The following TUT4 variants were observed in gnomAD, a reference collection of about 807,000 sequenced individuals.
TUT4 encodes the protein terminal uridylyl transferase 4.
A neutral mutation model predicts 192.2 loss-of-function variants in TUT4; 36 were observed. The observed-to-expected ratio is 0.19, with a 90% confidence interval of 0.14 to 0.25. The LOEUF (loss-of-function observed/expected upper bound fraction) is 0.25, where lower values mean the gene tolerates loss of function less well. TUT4 is among the 10% of genes least tolerant of loss of function. TUT4 has a pLI of 1.00. For missense variants in TUT4, 1,493 were observed against 1,957.2 expected (o/e 0.76, Z 4.47); for synonymous variants, 618 against 666.0 (o/e 0.93, Z 1.11).
At chr1:52,483,472 T>C (rs535374646) in intron 9 of TUT4, among the ~76,000 whole-genome samples, 1 of 152,280 alleles carries the variant, frequency 6.6e-6, no homozygotes, top group East Asian at 1.9e-4. Context: ...CAGCCCTCCA[T>C]ATCAATGGGT....
At chr1:52,498,810 C>T (rs560928381) in intron 4 of TUT4, among the ~76,000 whole-genome samples, 21 of 148,228 alleles carry the variant, frequency 1.4e-4, no homozygotes, top group Admixed American at 4.7e-4. Flanking sequence ...TCGTTTCAAC[C>T]TCGGAGGTGG....
At chr1:52,443,751 A>G (rs1656461904) in intron 24 of TUT4, among the ~76,000 whole-genome samples, 1 of 151,232 alleles carries the variant, frequency 6.6e-6, no homozygotes, top group South Asian at 2.1e-4. Context: ...GACAAGAGCA[A>G]GACCCTGTAT....
intron 16 of TUT4, chr1:52,463,555 T>G: frequency 1.7e-6 from 2 of 1,200,534 alleles, no homozygotes; most frequent in Non-Finnish European, 2.1e-6. Context: ...GAGGCGATAC[T>G]GACACCACTA....
chr1:52,466,645 C>CAAA (rs71579929), intron 15 of TUT4, among the ~76,000 whole-genome samples: 135 of 118,304 alleles, frequency 1.1e-3, no homozygotes, highest in African/African-American at 4.3e-3. Context: ...TATCCTATTT[C>CAAA]AAAAAAAAAA....
At chr1:52,461,044 C>T (rs1421843794) in intron 19 of TUT4, 90 bp downstream of exon 19, 1 of 1,128,114 alleles carries the variant, frequency 8.9e-7, no homozygotes, top group African/African-American at 1.5e-5. Flanking sequence ...ATAAACAAAA[C>T]TGAGACAAAA....
At chr1:52,447,310 G>A (rs1330247664) in intron 20 of TUT4, among the ~76,000 whole-genome samples, 7 of 151,858 alleles carry the variant, frequency 4.6e-5, no homozygotes, top group East Asian at 1.9e-4. Context: ...TTAGCTGGGC[G>A]TGGTGGCGTG....
intron 16 of TUT4, chr1:52,463,297 G>A (rs1234926426): frequency 1.0e-6 from 1 of 991,702 alleles, no homozygotes; most frequent in Non-Finnish European, 1.2e-6. Flanking sequence ...TCAGAATGGA[G>A]AAGGGCAGCC....
Position 52,525,544 on chromosome 1 carries a change from C to A in TUT4, c.718+19G>T. The A allele has an allele frequency of 6.3e-7, 1 of 1,584,924 alleles. No individual in the cohort carries two copies. Among genetic ancestry groups the A allele is most frequent in the Non-Finnish European group, 8.6e-7 (1 of 1,166,390 alleles). On this transcript the variant is annotated intron_variant, in intron 2 of 29. Coordinates refer to ENST00000257177, the MANE Select transcript of TUT4 (RefSeq NM_001009881.3). The stretch of plus-strand genomic sequence containing the variant: ...TAAAGAACATTAATATACAAAAATC[C>A]CTCCAAAAAATGACTTACTTAAATC...
At chr1:52,456,477 C>A (rs1031906630) in intron 20 of TUT4, among the ~76,000 whole-genome samples, 54 of 58,752 alleles carry the variant, frequency 9.2e-4, no homozygotes, top group South Asian at 1.7e-3. Context: ...AAAGTCTGAA[C>A]ATTTAAAAAT....
chr1:52,454,792 T>G (rs1570465451), intron 20 of TUT4, among the ~76,000 whole-genome samples: 1 of 152,098 alleles, frequency 6.6e-6, no homozygotes, highest in Admixed American at 6.5e-5. Flanking sequence ...GCCACAGACA[T>G]GGAGAACATA....
rs1688141527 is a variant in TUT4, at chr1:52,546,559, G to T, written c.-94+6372C>A. Among the ~76,000 whole-genome samples, 6 of 152,242 alleles carry T rather than the reference G, an allele frequency of 3.9e-5. No homozygotes were observed. The South Asian group carries it at 1.2e-3, about 32-fold the overall frequency. On this transcript the variant is annotated intron_variant, in intron 1 of 29. Coordinates refer to ENST00000257177, the MANE Select transcript of TUT4 (RefSeq NM_001009881.3). ...GGAACGGGAAATTATCATTTAATGGGTATAGAGTTTCAGTTTTATAAGATG... is the reference window on the plus strand; with the variant it reads ...GGAACGGGAAATTATCATTTAATGGTTATAGAGTTTCAGTTTTATAAGATG...
chr1:52,549,797 GA>G (rs140197850), intron 1 of TUT4, among the ~76,000 whole-genome samples: 2 of 150,202 alleles, frequency 1.3e-5, no homozygotes, highest in South Asian at 2.1e-4. Context: ...CTGAACGAGT[GA>G]AAAAAAAATG....
At chr1:52,473,825 T>G (rs1666408040) in intron 13 of TUT4, among the ~76,000 whole-genome samples, 1 of 152,174 alleles carries the variant, frequency 6.6e-6, no homozygotes, top group Non-Finnish European at 1.5e-5. Flanking sequence ...GGTTAAAACT[T>G]TGTTTTATTC....
At chr1:52,443,327 G>A (rs1656286436) in intron 24 of TUT4, among the ~76,000 whole-genome samples, 1 of 151,050 alleles carries the variant, frequency 6.6e-6, no homozygotes. Flanking sequence ...AGTGGCTCAC[G>A]CCTGTAATCC....
At chr1:52,511,060 T>C (rs1302654057) in intron 3 of TUT4, among the ~76,000 whole-genome samples, 2 of 152,186 alleles carry the variant, frequency 1.3e-5, no homozygotes, top group African/African-American at 4.8e-5. Flanking sequence ...CTCAGAAAAT[T>C]ACATAATTTC....
intron 12 of TUT4, among the ~76,000 whole-genome samples, chr1:52,477,312 C>G (rs1667352352): frequency 6.6e-6 from 1 of 152,190 alleles, no homozygotes; most frequent in African/African-American, 2.4e-5. Context: ...TGGCTCATGC[C>G]TATAATCCGA....
At chr1:52,495,572 A>G in intron 5 of TUT4, 57 bp from the exon 6 acceptor site, 1 of 1,344,838 alleles carries the variant, frequency 7.4e-7, no homozygotes, top group Non-Finnish European at 1.0e-6. Flanking sequence ...GAGAGATGTA[A>G]AAAAACAGCG....
chr1:52,512,989 A>G lies in TUT4; in HGVS notation c.882+2902T>C, dbSNP rs1409836571. Reference sequence around the variant, plus strand: ...CTTAAGAGGACAAGCCAGTTGTGGTAGCGCATGCCTGTAGTCCTAGCTACC... The same window carrying G: ...CTTAAGAGGACAAGCCAGTTGTGGTGGCGCATGCCTGTAGTCCTAGCTACC... On this transcript the variant is annotated intron_variant, in intron 3 of 29. Transcript: ENST00000257177. 2.6e-5 allele frequency among the ~76,000 whole-genome samples: 4 copies of G among 152,088 alleles called. No individual in the cohort carries two copies. In the East Asian group the frequency reaches 7.7e-4, roughly 29 times the overall value.
At chr1:52,527,735 C>G (rs983498365) in intron 1 of TUT4, among the ~76,000 whole-genome samples, 1 of 152,028 alleles carries the variant, frequency 6.6e-6, no homozygotes, top group Non-Finnish European at 1.5e-5. Context: ...GGTATCAATG[C>G]GGGCCAATGT....
Sources: allele counts gnomAD v4.1 joint callset (sites outside exome capture counted in the v4.1 genomes callset), GRCh38; gene constraint gnomAD v4.1.1; transcripts MANE v1.5; gene names NCBI Gene and HGNC (gene_info 2026-07-23, HGNC 2026-07-21).